DOCK6: variants seen among roughly 807,000 people sequenced by gnomAD.
The protein encoded by DOCK6 is dedicator of cytokinesis 6.
DOCK6 carries 167 observed loss-of-function variants against 230.3 expected under a neutral mutation model. The observed-to-expected ratio is 0.73, with a 90% CI of 0.64 to 0.82. The LOEUF is 0.82. DOCK6 is among the 40% of genes least tolerant of loss of function. The probability of loss-of-function intolerance (pLI) is 0.00; values close to 1 mark genes in which losing one functional copy is unlikely to be tolerated. For missense variants in DOCK6, 2,598 were observed against 2,825.8 expected (o/e 0.92, Z 1.83); for synonymous variants, 1,148 against 1,185.0 (o/e 0.97, Z 0.64).
At position 11,200,168 on chromosome 19, in the gene DOCK6, AAACCGGAAAC is replaced by A; in HGVS notation, c.6101+130_6101+139del. On this transcript the variant is annotated intron_variant, in intron 47 of 47. Transcript: ENST00000294618. This position sits in a 1 kb window ranked among gnomAD's most constrained non-coding sequence, Gnocchi z 4.3. ...TCTCTCAAAAAAAAAAACAAAAAAA[AAACCGGAAAC>A]AAAACAAAGTCCAAGCTACCAGCAA... is the stretch of plus-strand genomic sequence containing the variant. The A allele has an allele frequency of 3.2e-6, 3 of 939,958 alleles. No homozygotes were observed. The highest frequency in any genetic ancestry group is 1.5e-6 in the Non-Finnish European group (1 of 658,344). The allele number at this position is 939,958 out of a possible 1,614,324, so 58.2% of individuals were successfully genotyped here.
At chr19:11,254,614 G>A (rs545475639) in intron 1 of DOCK6, among the ~76,000 whole-genome samples, 6 of 151,826 alleles carry the variant, frequency 4.0e-5, no homozygotes, top group East Asian at 1.9e-4. Flanking sequence ...CCCGGGAGGC[G>A]CAGGTTGCAA....
chr19:11,219,940 A>G (rs966440825), intron 28 of DOCK6, among the ~76,000 whole-genome samples: 4 of 151,424 alleles, frequency 2.6e-5, no homozygotes, highest in African/African-American at 9.7e-5. Flanking sequence ...AAGAGCTACA[A>G]TTTTTTTGTT....
rs780555508 is a variant in DOCK6 at position 11,213,215 on chromosome 19, C to T, written c.4452G>A (p.Ser1484=). 1.3e-5 allele frequency: 21 copies of T among 1,613,014 alleles called. 1 individual carries two copies. Among genetic ancestry groups the T allele is most frequent in the South Asian group, 8.8e-5 (8 of 91,062 alleles). ...AGTTCTGTCGCATGAGCAGGTACAGCGAGGCGCTGGCGTGCGTGCGGATGG... is the reference window on the plus strand; with the variant it reads ...AGTTCTGTCGCATGAGCAGGTACAGTGAGGCGCTGGCGTGCGTGCGGATGG... ...ISTIRTHASA[S]LYLLMRQNFE... The change falls in exon 35 of 48, where the codon TCG becomes TCA. Residue 1484 remains serine (S), a synonymous_variant. Transcript: ENST00000294618.
At chr19:11,238,448 G>A in intron 14 of DOCK6, 144 bp from the exon 15 acceptor site, 1 of 694,264 alleles carries the variant, frequency 1.4e-6, no homozygotes, top group African/African-American at 1.7e-5. Context: ...AGGGCCCGGT[G>A]AGAGGTAATA....
Position 11,262,280 on chromosome 19 carries a change from C to A in DOCK6, c.44+117G>T, listed in dbSNP as rs944099091. 7.4e-6 allele frequency: 5 copies of A among 674,964 alleles called. No individual in the cohort carries two copies. In the African/African-American group the frequency reaches 7.8e-5, roughly 10 times the overall value. The allele number at this position is 674,964 out of a possible 1,614,324, so 41.8% of individuals were successfully genotyped here. A position where few individuals can be genotyped will look rare whatever the true frequency, so the allele number is the denominator to read the frequency against. Reference sequence around the variant, plus strand: ...CCCGGCCGGAGGAAGCTGGCGGGACCCGGGCCGAGGCGGAAAGGGGTTGAA... The same window carrying A: ...CCCGGCCGGAGGAAGCTGGCGGGACACGGGCCGAGGCGGAAAGGGGTTGAA... On this transcript the variant is annotated intron_variant, in intron 1 of 47. Transcript: ENST00000294618.
chr19:11,229,078 C>T (rs1334031944), intron 22 of DOCK6, 43 bp from the exon 23 acceptor site: 1 of 1,573,912 alleles, frequency 6.4e-7, no homozygotes, highest in Admixed American at 1.7e-5. Context: ...GGTGCCACCC[C>T]TTCCCGTACC....
Position 11,213,326 on chromosome 19 carries a change from G to A in DOCK6, c.4341C>T (p.Phe1447=). Residue 1447 remains phenylalanine (F), a splice_region_variant and synonymous_variant, in exon 35 of 48, where the codon TTC becomes TTT. Transcript: ENST00000294618. ...LATQRALVSK[F]PELLFEEDTE... ...TGTCCTCCTCGAACAGCAGCTCCGG[G>A]AACTGCCCCCAAGGACCCAGACAGA... 1 of 1,610,578 alleles carries A rather than the reference G, an allele frequency of 6.2e-7. No individual in the cohort carries two copies. Among genetic ancestry groups the A allele is most frequent in the Non-Finnish European group, 8.5e-7 (1 of 1,179,342 alleles).
chr19:11,220,783 A>G (rs147523098), intron 28 of DOCK6, among the ~76,000 whole-genome samples: 626 of 151,930 alleles, frequency 4.1e-3, no homozygotes, highest in Non-Finnish European at 7.1e-3. Context: ...AAAAAATCAC[A>G]TGGATATTTT....
In DOCK6 at chr19:11,204,305, C is replaced by T. The variant is rs745847716; in HGVS notation, c.5115G>A (p.Glu1705=). The change falls in exon 40 of 48, where the codon GAG becomes GAA. Residue 1705 remains glutamate, a synonymous_variant. Coordinates refer to ENST00000294618, the MANE Select transcript of DOCK6 (RefSeq NM_020812.4). The part of the protein sequence containing the change: ...TMGGLYEAVN[E]VYKNLIPILE... ...GGATGGGGATGAGGTTCTTGTAGAC[C>T]TCATTCACCGCCTCGTAGAGCCCGC... The T allele has an allele frequency of 6.2e-7, 1 of 1,611,242 alleles. No homozygotes were observed. Among genetic ancestry groups the T allele is most frequent in the Non-Finnish European group, 8.5e-7 (1 of 1,178,826 alleles).
chr19:11,210,013 TTCTCACCTGTCCACCG>T (rs1250870400), intron 37 of DOCK6, among the ~76,000 whole-genome samples: 40 of 84,780 alleles, frequency 4.7e-4, no homozygotes, highest in Admixed American at 4.9e-4. Flanking sequence ...CCTGCCCACC[TTCTCACCTGTCCACCG>T]TCTCACCTGT....
intron 24 of DOCK6, among the ~76,000 whole-genome samples, chr19:11,224,481 G>A (rs917732766): frequency 6.6e-6 from 1 of 152,060 alleles, no homozygotes; most frequent in African/African-American, 2.4e-5. Flanking sequence ...AAAGTGTTGG[G>A]ATTACAGGCG....
Position 11,256,748 on chromosome 19 carries a change from G to A in DOCK6, c.45-3022C>T, listed in dbSNP as rs551560043. The stretch of plus-strand genomic sequence containing the variant: ...GCTAGAGCGCAGTGGCATGATCTCA[G>A]CTCACTGCAACCTCCACCTCCAGGG... On this transcript the variant is annotated intron_variant, in intron 1 of 47. Transcript: ENST00000294618. 1.5e-4 allele frequency among the ~76,000 whole-genome samples: 23 copies of A among 152,272 alleles called. 1 individual carries two copies. The South Asian group carries it at 4.6e-3, about 30-fold the overall frequency.
intron 28 of DOCK6, among the ~76,000 whole-genome samples, chr19:11,220,707 TAGA>T (rs1280606459): frequency 6.6e-6 from 1 of 151,810 alleles, no homozygotes; most frequent in African/African-American, 2.4e-5. Context: ...CTTTTAAAGT[TAGA>T]AGAAAAGATG....
intron 47 of DOCK6, among the ~76,000 whole-genome samples, chr19:11,199,946 C>T (rs1204172473): frequency 6.6e-6 from 1 of 151,970 alleles, no homozygotes; most frequent in Non-Finnish European, 1.5e-5. Flanking sequence ...ATCAGGAGTT[C>T]GAGACCAGTC....
Position 11,243,488 on chromosome 19 carries a change from A to C in DOCK6, c.1258+69T>G, listed in dbSNP as rs190025938. On this transcript the variant is annotated intron_variant, in intron 11 of 47. Coordinates refer to ENST00000294618, the MANE Select transcript of DOCK6 (RefSeq NM_020812.4). The surrounding 1 kb of genome is among the most constrained non-coding windows in gnomAD (Gnocchi z 6.3). ...CAGAGGGCGCACCCCCTCGCCCCGT[A>C]GCCCCGCCCCAGGCCTGTCAGCACC... 3.0e-4 allele frequency: 466 copies of C among 1,544,136 alleles called. 3 individuals carry two copies. In the African/African-American group the frequency reaches 5.9e-3, roughly 20 times the overall value.
At chr19:11,256,607 G>A (rs188577112) in intron 1 of DOCK6, among the ~76,000 whole-genome samples, 86 of 152,308 alleles carry the variant, frequency 5.6e-4, no homozygotes, top group African/African-American at 1.9e-3. Context: ...CTGCCACCAT[G>A]TTGTCTTCAA....
At chr19:11,213,404 G>GA (rs2079427638) in intron 34 of DOCK6, 76 bp from the exon 35 acceptor site, 5 of 1,536,054 alleles carry the variant, frequency 3.3e-6, no homozygotes, top group Non-Finnish European at 4.4e-6. Flanking sequence ...CCCAAATGAG[G>GA]ACTGCTTGGG....
intron 37 of DOCK6, among the ~76,000 whole-genome samples, chr19:11,210,014 T>C (rs1258719309): frequency 1.4e-5 from 1 of 72,952 alleles, no homozygotes; most frequent in South Asian, 5.5e-4. Context: ...CTGCCCACCT[T>C]CTCACCTGTC....
At chr19:11,248,219 G>A (rs1386923457) in intron 6 of DOCK6, 68 bp from the exon 7 acceptor site, 2 of 1,287,624 alleles carry the variant, frequency 1.6e-6, no homozygotes, top group East Asian at 2.5e-5. Context: ...GGTCTGGAAT[G>A]CCCAGCCTCA....
Sources: allele counts gnomAD v4.1 joint callset (sites outside exome capture counted in the v4.1 genomes callset), GRCh38; gene constraint gnomAD v4.1.1; non-coding constraint Gnocchi (gnomAD v3.1); transcripts MANE v1.5; gene names NCBI Gene and HGNC (gene_info 2026-07-23, HGNC 2026-07-21).